The following PAFAH1B1 variants were observed in gnomAD, a reference collection of about 807,000 sequenced individuals.
PAFAH1B1 encodes platelet-activating factor acetylhydrolase IB subunit beta.
Under a neutral mutation model 57.5 loss-of-function variants are expected in PAFAH1B1, and 2 were observed. That is an observed-to-expected ratio of 0.03 (90% CI 0.01 to 0.11). PAFAH1B1 has a LOEUF of 0.11. Among genes scored for constraint, PAFAH1B1 ranks in the 10% least tolerant of loss-of-function variants. The probability of loss-of-function intolerance (pLI) is 1.00; values close to 1 mark genes in which losing one functional copy is unlikely to be tolerated. For synonymous variants in PAFAH1B1, 152 were observed against 169.6 expected (o/e 0.90, Z 0.81); for missense variants, 257 against 512.0 (o/e 0.50, Z 4.81).
intron 1 of PAFAH1B1, among the ~76,000 whole-genome samples, chr17:2,596,759 A>T (rs1407501969): frequency 1.3e-5 from 2 of 152,158 alleles, no homozygotes; most frequent in Non-Finnish European, 2.9e-5. Context: ...TGTTTGTAGA[A>T]TATCAAAGCA....
chr17:2,612,615 C>T (rs1164151443), intron 1 of PAFAH1B1, among the ~76,000 whole-genome samples: 2 of 152,010 alleles, frequency 1.3e-5, no homozygotes, highest in Non-Finnish European at 2.9e-5. Context: ...AAGTCAAATC[C>T]TGCTGTTTTT....
chr17:2,646,542 A>C (rs941403255), intron 2 of PAFAH1B1, among the ~76,000 whole-genome samples: 1 of 152,092 alleles, frequency 6.6e-6, no homozygotes, highest in Admixed American at 6.6e-5. Context: ...AATCCCCACT[A>C]CTCAGGAGCT....
At chr17:2,676,817 C>CA (rs2151670212) in intron 9 of PAFAH1B1, among the ~76,000 whole-genome samples, 1 of 152,218 alleles carries the variant, frequency 6.6e-6, no homozygotes, top group Admixed American at 6.5e-5. Flanking sequence ...TCTGTAGAGC[C>CA]AGTCGGTGTT....
chr17:2,641,460 T>C (rs2151636887), intron 2 of PAFAH1B1: 1 of 151,890 alleles, frequency 6.6e-6, no homozygotes, highest in South Asian at 2.1e-4. Flanking sequence ...CACCTGGCTG[T>C]CTTTTCATTA....
rs748545094 is a variant in PAFAH1B1, at chr17:2,674,300, A to AC, written c.900+13dup. ...CAACAGGATCTGAGGTACTGTATAT[A>AC]CAAATGTCTTCATGGTTTTATTGCT... On this transcript the variant is annotated intron_variant, in intron 8 of 10. Coordinates refer to ENST00000397195, the MANE Select transcript of PAFAH1B1 (RefSeq NM_000430.4). The AC allele has an allele frequency of 2.5e-6, 4 of 1,576,360 alleles. No homozygotes were observed. The highest frequency in any genetic ancestry group is 3.5e-6 in the Non-Finnish European group (4 of 1,145,638).
Position 2,638,142 on chromosome 17 carries a change from G to T in PAFAH1B1, c.-147G>T. On this transcript the variant is annotated 5_prime_UTR_variant, in exon 2 of 11. Transcript: ENST00000397195. ...GTTGAATATCTTCTGGTTACTAGTT[G>T]GATTCATTTGTGAAAGAATCATTTT... 5 of 609,214 alleles carry T rather than the reference G, an allele frequency of 8.2e-6. No homozygotes were observed. The highest frequency in any genetic ancestry group is 1.5e-5 in the Non-Finnish European group (5 of 337,306). 37.7% of individuals were successfully genotyped at this position (609,214 alleles called of 1,614,324 possible).
At chr17:2,616,324 C>G (rs1166034091) in intron 1 of PAFAH1B1, among the ~76,000 whole-genome samples, 1 of 152,074 alleles carries the variant, frequency 6.6e-6, no homozygotes, top group Non-Finnish European at 1.5e-5. Flanking sequence ...TCCAGAGAAG[C>G]AAGGCCAATA....
chr17:2,677,958 A>T (rs2069298261), intron 9 of PAFAH1B1, among the ~76,000 whole-genome samples: 2 of 152,314 alleles, frequency 1.3e-5, no homozygotes. Context: ...AAGATGATAT[A>T]TAATTAAAAT....
chr17:2,641,215 G>C (rs532704072), intron 2 of PAFAH1B1: 1 of 152,268 alleles, frequency 6.6e-6, no homozygotes, highest in South Asian at 2.1e-4. Context: ...ACAGAGTGCA[G>C]TGCTGCGATT....
At chr17:2,678,400 C>CAAAAAAAA (rs11394999) in intron 9 of PAFAH1B1, among the ~76,000 whole-genome samples, 1 of 81,020 alleles carries the variant, frequency 1.2e-5, no homozygotes, top group Non-Finnish European at 2.5e-5. Flanking sequence ...GAAACCATCT[C>CAAAAAAAA]AAAAAAAAAA....
At chr17:2,671,064 G>A (rs1270524428) in intron 6 of PAFAH1B1, among the ~76,000 whole-genome samples, 6 of 152,152 alleles carry the variant, frequency 3.9e-5, no homozygotes, top group Non-Finnish European at 8.8e-5. Flanking sequence ...TTTTGTACAA[G>A]GAACACGTTA....
At chr17:2,595,421 CT>C (rs71377513) in intron 1 of PAFAH1B1, among the ~76,000 whole-genome samples, 8,455 of 123,996 alleles carry the variant, frequency 0.068, 587 homozygotes, top group African/African-American at 0.2. Context: ...GGAGTGTTTG[CT>C]TTTTTTTTTT....
rs746864477 is a variant in PAFAH1B1, at chr17:2,666,035, A to G, written c.137A>G (p.Lys46Arg). ...ELDVNEELDKKYAGLLEKKWT... is the reference protein window; with the variant it reads ...ELDVNEELDKRYAGLLEKKWT... Reference sequence around the variant, plus strand: ...CTCTAGAATGAAGAATTAGATAAAAAGTATGCTGGTCTTTTGGAAAAAAAA... The same window carrying G: ...CTCTAGAATGAAGAATTAGATAAAAGGTATGCTGGTCTTTTGGAAAAAAAA... The change falls in exon 4 of 11, where the codon AAG becomes AGG. Residue 46 changes from lysine (K) to arginine (R), a missense_variant. Transcript: ENST00000397195. 3 of 1,519,096 alleles carry G rather than the reference A, an allele frequency of 2.0e-6. No homozygotes were observed. Among genetic ancestry groups the G allele is most frequent in the South Asian group, 1.2e-5 (1 of 85,594 alleles). 94.1% of individuals were successfully genotyped at this position (1,519,096 alleles called of 1,614,324 possible).
At chr17:2,597,708 C>G (rs571950727) in intron 1 of PAFAH1B1, among the ~76,000 whole-genome samples, 2 of 151,712 alleles carry the variant, frequency 1.3e-5, no homozygotes, top group Non-Finnish European at 2.9e-5. Flanking sequence ...CACACCCTTC[C>G]CTATTTTCTA....
In PAFAH1B1 at chr17:2,621,605, G is replaced by GTTTTTTTTTTTTTTTTTTTTTTT. The variant is rs2068421993; in HGVS notation, c.-190-16493_-190-16492insTTTTTTTTTTTTTTTTTTTTTTT. Among the ~76,000 whole-genome samples, 9 of 93,208 alleles carry GTTTTTTTTTTTTTTTTTTTTTTT rather than the reference G, an allele frequency of 9.7e-5. 3 individuals are homozygous for GTTTTTTTTTTTTTTTTTTTTTTT. Among genetic ancestry groups the GTTTTTTTTTTTTTTTTTTTTTTT allele is most frequent in the African/African-American group, 2.8e-4 (6 of 21,296 alleles). The allele number at this position is 93,208 out of a possible 152,430, so 61.1% of individuals were successfully genotyped here. A position where few individuals can be genotyped will look rare whatever the true frequency, so the allele number is the denominator to read the frequency against. On this transcript the variant is annotated intron_variant, in intron 1 of 10. Transcript: ENST00000397195. ...GCTATTCAAGCATGGTAGATAATCTGTCTTTTTTTTTTTTTTTTTTTTTTT... is the reference window on the plus strand; with the variant it reads ...GCTATTCAAGCATGGTAGATAATCTGTTTTTTTTTTTTTTTTTTTTTTTTCTTTTTTTTTTTTTTTTTTTTTTT...
intron 1 of PAFAH1B1, among the ~76,000 whole-genome samples, chr17:2,595,902 C>G (rs1257327094): frequency 6.6e-6 from 1 of 152,146 alleles, no homozygotes; most frequent in Non-Finnish European, 1.5e-5. Flanking sequence ...TTTGTGGATG[C>G]TGTGAACAGC....
At chr17:2,675,718 G>A (rs2069253925) in intron 8 of PAFAH1B1, among the ~76,000 whole-genome samples, 1 of 151,106 alleles carries the variant, frequency 6.6e-6, no homozygotes, top group African/African-American at 2.4e-5. Context: ...GTACACTCCT[G>A]TAGTCCCAGC....
chr17:2,665,242 C>G (rs2069090848), intron 2 of PAFAH1B1, 130 bp from the exon 3 acceptor site: 2 of 669,688 alleles, frequency 3.0e-6, no homozygotes, highest in Non-Finnish European at 5.3e-6. Context: ...TAATGAAATA[C>G]TTGTATGATT....
intron 3 of PAFAH1B1, 121 bp from the exon 4 acceptor site, chr17:2,665,895 C>T: frequency 9.4e-7 from 1 of 1,068,852 alleles, no homozygotes; most frequent in East Asian, 3.1e-5. Flanking sequence ...CCACCATGCC[C>T]AGCCACTCCC....
Sources: allele counts gnomAD v4.1 joint callset (sites outside exome capture counted in the v4.1 genomes callset), GRCh38; gene constraint gnomAD v4.1.1; transcripts MANE v1.5; gene names NCBI Gene and HGNC (gene_info 2026-07-23, HGNC 2026-07-21).